Variants in FKBP5 observed in about 807,000 individuals in gnomAD.
The protein encoded by FKBP5 is peptidyl-prolyl cis-trans isomerase FKBP5.
In FKBP5, 23 loss-of-function variants were observed where a neutral mutation model predicts 50.5. The ratio of observed to expected loss-of-function variants is 0.46; its 90% confidence interval spans 0.33 to 0.65. The LOEUF is 0.65. Among genes scored for constraint, FKBP5 ranks in the 30% least tolerant of loss-of-function variants. The probability of loss-of-function intolerance (pLI) is 0.02; values close to 1 mark genes in which losing one functional copy is unlikely to be tolerated. For synonymous variants in FKBP5, 176 were observed against 190.6 expected, an observed-to-expected ratio of 0.92 and a Z score of 0.63; for missense variants, 411 against 553.1, an observed-to-expected ratio of 0.74 and a Z score of 2.58.
intron 3 of FKBP5, among the ~76,000 whole-genome samples, chr6:35,633,658 A>G (rs1226799707): frequency 2.0e-5 from 3 of 152,102 alleles, no homozygotes; most frequent in African/African-American, 7.2e-5. Context: ...TACCAGAGGT[A>G]TATTGCTCTA....
intron 3 of FKBP5, among the ~76,000 whole-genome samples, chr6:35,625,666 G>C (rs1763973617): frequency 6.7e-6 from 1 of 149,668 alleles, no homozygotes; most frequent in Non-Finnish European, 1.5e-5. Flanking sequence ...AACCCGGGAG[G>C]CGGAGCTTTC....
rs553281065 is a variant in FKBP5 at position 35,668,639 on chromosome 6, GTAT to G, written c.-20+20162_-20+20164del. Among the ~76,000 whole-genome samples, 638 of 149,524 alleles carry G rather than the reference GTAT, an allele frequency of 4.3e-3. 4 individuals carry two copies. Among genetic ancestry groups the G allele is most frequent in the African/African-American group, 0.015 (606 of 40,610 alleles). ...TGTTGTTTTTTTTCTTCTTTTTTTT[GTAT>G]TATTATACTTTAAGTTTTAGGGTAC... is the stretch of plus-strand genomic sequence containing the variant. On this transcript the variant is annotated intron_variant, in intron 1 of 10. Transcript: ENST00000357266.
upstream of FKBP5, among the ~76,000 whole-genome samples, chr6:35,689,496 C>T (rs1435122280): frequency 6.6e-6 from 1 of 152,056 alleles, no homozygotes; most frequent in Non-Finnish European, 1.5e-5. Flanking sequence ...TTTCTCTTGG[C>T]TTGCTACCTT....
chr6:35,689,867 C>A (rs1226951207), upstream of FKBP5, among the ~76,000 whole-genome samples: 1 of 152,072 alleles, frequency 6.6e-6, no homozygotes, highest in East Asian at 1.9e-4. Flanking sequence ...CGGCTGAGTT[C>A]TTCCGCCAAC....
chr6:35,582,959 C>T (rs968446129), intron 8 of FKBP5: 4 of 816,660 alleles, frequency 4.9e-6, no homozygotes, highest in East Asian at 1.2e-4. Context: ...TGGTGGCTCA[C>T]GCCTATAGTC....
intron 6 of FKBP5, among the ~76,000 whole-genome samples, chr6:35,596,112 T>C (rs191420160): frequency 1.1e-4 from 16 of 152,190 alleles, no homozygotes; most frequent in Admixed American, 3.9e-4. Flanking sequence ...CCCAGCACTT[T>C]GGGAGGCTGA....
chr6:35,640,485 A>G (rs1764453379), intron 2 of FKBP5, among the ~76,000 whole-genome samples: 1 of 152,246 alleles, frequency 6.6e-6, no homozygotes, highest in Non-Finnish European at 1.5e-5. Context: ...GTGAGCAGTG[A>G]GTGAACATGA....
intron 6 of FKBP5, among the ~76,000 whole-genome samples, chr6:35,593,810 C>G (rs1762894616): frequency 6.6e-6 from 1 of 152,058 alleles, no homozygotes; most frequent in Non-Finnish European, 1.5e-5. Flanking sequence ...CCGCCTCGGC[C>G]TCCCAAAGTG....
At chr6:35,593,223 A>G (rs547811936) in intron 6 of FKBP5, among the ~76,000 whole-genome samples, 61 of 152,336 alleles carry the variant, frequency 4.0e-4, no homozygotes, top group African/African-American at 1.1e-3. Flanking sequence ...GAGGAATCCC[A>G]AGACCTAACC....
At chr6:35,646,507 G>C (rs115770484) in intron 1 of FKBP5, among the ~76,000 whole-genome samples, 145 of 152,298 alleles carry the variant, frequency 9.5e-4, no homozygotes, top group African/African-American at 3.2e-3. Flanking sequence ...GCCATTAGGA[G>C]TATAGGTTTT....
intron 5 of FKBP5, among the ~76,000 whole-genome samples, chr6:35,603,279 T>C (rs1171046128): frequency 1.3e-5 from 2 of 152,242 alleles, no homozygotes; most frequent in African/African-American, 2.4e-5. Context: ...TGGTAAATTA[T>C]ACCAGATTAA....
chr6:35,612,350 A>G (rs1763516768), intron 5 of FKBP5, among the ~76,000 whole-genome samples: 1 of 152,172 alleles, frequency 6.6e-6, no homozygotes, highest in African/African-American at 2.4e-5. Flanking sequence ...AAGATGCGCC[A>G]TTGCACTCCA....
chr6:35,579,201 A>C (rs1270364438), intron 9 of FKBP5, among the ~76,000 whole-genome samples: 1 of 152,208 alleles, frequency 6.6e-6, no homozygotes, highest in Non-Finnish European at 1.5e-5. Flanking sequence ...TATGAAAAAA[A>C]CGAAAAAATA....
chr6:35,625,928 A>C (rs1222900229), intron 3 of FKBP5, among the ~76,000 whole-genome samples: 5 of 151,290 alleles, frequency 3.3e-5, no homozygotes, highest in Non-Finnish European at 7.4e-5. Context: ...TACAGGCGCT[A>C]GCCACCACTC....
chr6:35,657,246 A>G (rs938875607), intron 1 of FKBP5, among the ~76,000 whole-genome samples: 1 of 152,178 alleles, frequency 6.6e-6, no homozygotes, highest in Non-Finnish European at 1.5e-5. Flanking sequence ...AAAAATTAAC[A>G]CAAACTTAGT....
chr6:35,625,846 C>A (rs1019474668), intron 3 of FKBP5, among the ~76,000 whole-genome samples: 1 of 151,108 alleles, frequency 6.6e-6, no homozygotes, highest in South Asian at 2.1e-4. Flanking sequence ...GTGGCGCTAT[C>A]TCTGCTCACC....
intron 1 of FKBP5, among the ~76,000 whole-genome samples, chr6:35,650,818 A>T (rs541931371): frequency 1.3e-5 from 2 of 152,224 alleles, no homozygotes; most frequent in Admixed American, 6.5e-5. Context: ...GCCACCAACC[A>T]TGGTTCCCAG....
chr6:35,622,111 T>C (rs1222019884), intron 3 of FKBP5, among the ~76,000 whole-genome samples: 1 of 152,232 alleles, frequency 6.6e-6, no homozygotes, highest in Non-Finnish European at 1.5e-5. Context: ...CATAACAGTA[T>C]GTAAGCAGGG....
intron 3 of FKBP5, among the ~76,000 whole-genome samples, chr6:35,631,829 C>T (rs1031491173): frequency 1.3e-5 from 2 of 151,848 alleles, no homozygotes; most frequent in Admixed American, 1.3e-4. Context: ...GTAGTATGCA[C>T]CTGTAGTCCC....
Sources: gnomAD v4.1 joint callset for allele counts (sites outside exome capture counted in the v4.1 genomes callset) on GRCh38, gnomAD v4.1.1 for gene constraint, MANE v1.5 for transcripts, NCBI Gene and HGNC (gene_info 2026-07-23, HGNC 2026-07-21) for gene names.